C6orf62: variants seen among roughly 807,000 people sequenced by gnomAD.
C6orf62 encodes chromosome 6 open reading frame 62, also known as uncharacterized protein C6orf62.
In C6orf62, 16 loss-of-function variants were observed where a neutral mutation model predicts 26.8. That is an observed-to-expected ratio of 0.60 (90% CI 0.40 to 0.91). The LOEUF is 0.91. Among genes scored for constraint, C6orf62 ranks in the 40% least tolerant of loss-of-function variants. The pLI, the probability that C6orf62 is intolerant of heterozygous loss-of-function variation, is 0.00. For missense variants in C6orf62, 192 were observed against 271.4 expected, an observed-to-expected ratio of 0.71 and a Z score of 2.06; for synonymous variants, 112 against 91.5, an observed-to-expected ratio of 1.22 and a Z score of -1.28.
At chr6:24,708,198 C>G (rs1779049550) in intron 4 of C6orf62, among the ~76,000 whole-genome samples, 2 of 150,834 alleles carry the variant, frequency 1.3e-5, no homozygotes, top group South Asian at 4.2e-4. Flanking sequence ...GTTCTCACTA[C>G]TGTTCACTAG....
intron 2 of C6orf62, 53 bp downstream of exon 2, chr6:24,716,095 G>C (rs1262787581): frequency 1.2e-5 from 18 of 1,498,548 alleles, no homozygotes; most frequent in Non-Finnish European, 1.5e-5. Context: ...GCGGGGAAAT[G>C]CAAGGTTAAT....
At chr6:24,719,575 T>C, upstream of C6orf62, 1 of 1,299,594 alleles carries the variant, frequency 7.7e-7, no homozygotes, top group Non-Finnish European at 9.8e-7. Flanking sequence ...GGAAAAGGGG[T>C]ATATAATACG....
chr6:24,720,013 G>GGGCGC, upstream of C6orf62: 1 of 1,479,402 alleles, frequency 6.8e-7, no homozygotes, highest in Non-Finnish European at 9.0e-7. Flanking sequence ...TCTAAAGTAA[G>GGGCGC]CCCACCCACC....
At chr6:24,719,922 C>T, upstream of C6orf62, 1 of 1,550,402 alleles carries the variant, frequency 6.4e-7, no homozygotes, top group Non-Finnish European at 8.7e-7. Flanking sequence ...AAACAATTCC[C>T]GCCCGGGTGG....
Position 24,706,075 on chromosome 6 carries a change from G to C in C6orf62, c.*62C>G. ...AAACTCTGAAAGAATAAAGTGGTAAGAAAACAAGAAAAAAAACTGCTGCTG... is the reference window on the plus strand; with the variant it reads ...AAACTCTGAAAGAATAAAGTGGTAACAAAACAAGAAAAAAAACTGCTGCTG... On this transcript the variant is annotated 3_prime_UTR_variant, in exon 5 of 5. Transcript: ENST00000378119. The C allele has an allele frequency of 6.3e-7, 1 of 1,590,702 alleles. No homozygotes were observed. Among genetic ancestry groups the C allele is most frequent in the East Asian group, 2.3e-5 (1 of 44,434 alleles).
Position 24,718,847 on chromosome 6 carries a change from T to A in C6orf62, c.-179A>T. 1 of 1,443,500 alleles carries A rather than the reference T, an allele frequency of 6.9e-7. No individual in the cohort carries two copies. Among genetic ancestry groups the A allele is most frequent in the Non-Finnish European group, 9.0e-7 (1 of 1,107,158 alleles). 89.4% of individuals were successfully genotyped at this position (1,443,500 alleles called of 1,614,324 possible). A position where few individuals can be genotyped will look rare whatever the true frequency, so the allele number is the denominator to read the frequency against. On this transcript the variant is annotated 5_prime_UTR_variant, in exon 1 of 5. An upstream start codon of the reference 5' UTR is lost. Transcript: ENST00000378119. The stretch of plus-strand genomic sequence containing the variant: ...TTCTGTCAATATTAGCAGACTGTCA[T>A]ATTACAGGGTCAAGAAACAAAAGCT...
At chr6:24,719,693 C>G, upstream of C6orf62, 2 of 1,482,618 alleles carry the variant, frequency 1.3e-6, no homozygotes, top group Non-Finnish European at 1.8e-6. Flanking sequence ...CCCTGTGGAT[C>G]TGCCCCCGTT....
At chr6:24,720,012 A>AGGGC, upstream of C6orf62, 17 of 1,463,222 alleles carry the variant, frequency 1.2e-5, no homozygotes, top group South Asian at 1.3e-5. Context: ...TTCTAAAGTA[A>AGGGC]GCCCACCCAC....
At chr6:24,708,154 C>A (rs1406946589) in intron 4 of C6orf62, among the ~76,000 whole-genome samples, 1 of 151,934 alleles carries the variant, frequency 6.6e-6, no homozygotes, top group Non-Finnish European at 1.5e-5. Flanking sequence ...TCATCCATTG[C>A]CCACACATCT....
At chr6:24,713,313 G>A (rs942402534) in intron 3 of C6orf62, among the ~76,000 whole-genome samples, 7 of 152,074 alleles carry the variant, frequency 4.6e-5, no homozygotes, top group African/African-American at 1.4e-4. Flanking sequence ...GTAACCAATG[G>A]ATTATTTTTA....
chr6:24,711,539 A>C (rs906794428), intron 3 of C6orf62, among the ~76,000 whole-genome samples: 1 of 152,140 alleles, frequency 6.6e-6, no homozygotes, highest in Non-Finnish European at 1.5e-5. Flanking sequence ...TCACACCTGT[A>C]ATCTCAGCAC....
upstream of C6orf62, chr6:24,719,771 C>A: frequency 1.3e-6 from 2 of 1,545,288 alleles, no homozygotes; most frequent in East Asian, 2.5e-5. Flanking sequence ...GGGTTCTTCT[C>A]CCAAATCCCA....
upstream of C6orf62, chr6:24,719,264 C>T: frequency 3.0e-6 from 3 of 988,352 alleles, no homozygotes; most frequent in Non-Finnish European, 3.6e-6. Flanking sequence ...CAGCCAGCTC[C>T]ATGGCTGTAG....
rs966500349 is a variant in C6orf62, at chr6:24,718,473, G to C, written c.129+67C>G. On this transcript the variant is annotated intron_variant, in intron 1 of 4. Transcript: ENST00000378119. ...TAACCTAATATTCATAATAATTTAA[G>C]AGTAACAAATAATATACACTTACAA... 4.2e-6 allele frequency: 6 copies of C among 1,416,688 alleles called. No individual in the cohort carries two copies. The Admixed American group carries it at 1.0e-4, about 24-fold the overall frequency. The allele number at this position is 1,416,688 out of a possible 1,614,324, so 87.8% of individuals were successfully genotyped here. A position where few individuals can be genotyped will look rare whatever the true frequency, so the allele number is the denominator to read the frequency against.
chr6:24,717,262 A>G (rs1219582204), intron 1 of C6orf62, among the ~76,000 whole-genome samples: 1 of 152,226 alleles, frequency 6.6e-6, no homozygotes, highest in Admixed American at 6.5e-5. Context: ...AAATACAAAG[A>G]TATGGTCTCA....
At position 24,706,018 on chromosome 6, in the gene C6orf62, C is replaced by A; in HGVS notation, c.*119G>T. 1 of 1,359,588 alleles carries A rather than the reference C, an allele frequency of 7.4e-7. No homozygotes were observed. The highest frequency in any genetic ancestry group is 2.5e-5 in the East Asian group (1 of 39,242). The allele number at this position is 1,359,588 out of a possible 1,614,324, so 84.2% of individuals were successfully genotyped here. A position where few individuals can be genotyped will look rare whatever the true frequency, so the allele number is the denominator to read the frequency against. On this transcript the variant is annotated 3_prime_UTR_variant, in exon 5 of 5. Transcript: ENST00000378119. ...TCCAGGATGAACAAGTTTCAAAATG[C>A]ATAGTGTTCTGTGCATGAGTCCATT...
chr6:24,720,226 G>C (rs934336585), upstream of C6orf62: 14 of 1,323,816 alleles, frequency 1.1e-5, no homozygotes, highest in Non-Finnish European at 1.3e-5. Flanking sequence ...ACCGACTCTA[G>C]GGCGGGGTTT....
chr6:24,718,525 A>G lies in C6orf62; in HGVS notation c.129+15T>C. The G allele has an allele frequency of 6.3e-7, 1 of 1,588,006 alleles. No individual in the cohort carries two copies. On this transcript the variant is annotated intron_variant, in intron 1 of 4. Coordinates refer to ENST00000378119, the MANE Select transcript of C6orf62 (RefSeq NM_030939.5). ...AATTACTTGTGCTAATTCACCATTA[A>G]GAACTTTAAATTACCTTCTCCTTGA...
At chr6:24,709,631 T>C in intron 3 of C6orf62, 4 of 985,454 alleles carry the variant, frequency 4.1e-6, no homozygotes, top group Non-Finnish European at 4.8e-6. Context: ...TGTGAATTTT[T>C]CCCACAGTTA....
Sources: gnomAD v4.1 joint callset for allele counts (sites outside exome capture counted in the v4.1 genomes callset) on GRCh38, gnomAD v4.1.1 for gene constraint, MANE v1.5 for transcripts, NCBI Gene and HGNC (gene_info 2026-07-23, HGNC 2026-07-21) for gene names.